The following CFAP47 variants were observed in gnomAD, a reference collection of about 807,000 sequenced individuals.
The protein encoded by CFAP47 is cilia- and flagella-associated protein 47.
In CFAP47, 29 loss-of-function variants were observed where a neutral mutation model predicts 148.1. That is an observed-to-expected ratio of 0.20 (90% CI 0.15 to 0.27). The LOEUF is 0.27. Ranked by LOEUF, CFAP47 falls within the 10% of genes least tolerant of loss-of-function variation. The pLI, the probability that CFAP47 is intolerant of heterozygous loss-of-function variation, is 1.00. For missense variants in CFAP47, 1,872 were observed against 1,697.5 expected (o/e 1.10, Z -1.81); for synonymous variants, 664 against 577.3 (o/e 1.15, Z -2.15).
At chrX:36,034,383 A>T (rs1223979359) in intron 23 of CFAP47, among the ~76,000 whole-genome samples, 1 of 110,720 alleles carries the variant, frequency 9.0e-6, no homozygotes, top group Non-Finnish European at 1.9e-5. Context: ...TCCACTGTGA[A>T]GTTACTATTT....
chrX:36,185,151 C>A (rs1304627419), intron 40 of CFAP47, among the ~76,000 whole-genome samples: 1 of 110,601 alleles, frequency 9.0e-6, no homozygotes, highest in Non-Finnish European at 1.9e-5. Context: ...GATAAAGGCA[C>A]TGGCAGGTTC....
At chrX:36,261,369 C>T (rs1475975234) in intron 49 of CFAP47, among the ~76,000 whole-genome samples, 4 of 65,318 alleles carry the variant, frequency 6.1e-5, no homozygotes, top group African/African-American at 7.6e-5. Flanking sequence ...GGGTGTTTCT[C>T]GGAGAGGGGG....
intron 1 of CFAP47, among the ~76,000 whole-genome samples, chrX:35,924,481 A>AGG (rs1432644856): frequency 1.5e-4 from 16 of 105,184 alleles, no homozygotes; most frequent in East Asian, 9.3e-4. Context: ...ATGTGTATAT[A>AGG]TGTGCACCTA....
intron 42 of CFAP47, among the ~76,000 whole-genome samples, chrX:36,198,239 T>A (rs1199370546): frequency 6.3e-5 from 7 of 111,426 alleles, no homozygotes; most frequent in African/African-American, 2.3e-4. Flanking sequence ...ATGTAAGATA[T>A]ACATTGGTTC....
At chrX:36,083,363 T>C (rs1375005853) in intron 29 of CFAP47, among the ~76,000 whole-genome samples, 1 of 110,583 alleles carries the variant, frequency 9.0e-6, no homozygotes, top group Non-Finnish European at 1.9e-5. Flanking sequence ...TATATGCACA[T>C]ATATATAGCA....
chrX:36,175,150 A>G (rs1306357592), intron 39 of CFAP47, among the ~76,000 whole-genome samples: 1 of 110,400 alleles, frequency 9.1e-6, no homozygotes, highest in Admixed American at 9.6e-5. Context: ...TTTCAGCTCC[A>G]TCAGCTCCTT....
chrX:35,934,985 G>A (rs971686115), intron 2 of CFAP47, among the ~76,000 whole-genome samples: 8 of 110,893 alleles, frequency 7.2e-5, no homozygotes, highest in African/African-American at 2.6e-4. Flanking sequence ...TCAAGTAGAA[G>A]GAAGGGGTCT....
chrX:36,358,006 C>T (rs1373587825), intron 60 of CFAP47, among the ~76,000 whole-genome samples: 1 of 111,665 alleles, frequency 9.0e-6, no homozygotes, highest in Non-Finnish European at 1.9e-5. Context: ...TTGTAAACTC[C>T]CATGTCAGGT....
At chrX:36,031,481 C>G (rs1318306537) in intron 23 of CFAP47, 134 bp downstream of exon 23, 3 of 251,700 alleles carry the variant, frequency 1.2e-5, no homozygotes, top group Middle Eastern at 1.1e-3. Context: ...TGTTTATGCT[C>G]TTCGGAGCAA....
chrX:36,300,448 C>T (rs1556007603), intron 52 of CFAP47, among the ~76,000 whole-genome samples: 1 of 110,671 alleles, frequency 9.0e-6, no homozygotes, highest in Non-Finnish European at 1.9e-5. Context: ...CGCCACTACA[C>T]CCAGCTAATT....
chrX:35,951,439 T>C, intron 5 of CFAP47, 80 bp downstream of exon 5: 1 of 653,017 alleles, frequency 1.5e-6, no homozygotes, highest in Non-Finnish European at 2.3e-6. Flanking sequence ...ACCAACAAGC[T>C]TTTTAATTAT....
intron 49 of CFAP47, among the ~76,000 whole-genome samples, chrX:36,273,237 G>GA (rs1556002156): frequency 9.0e-6 from 1 of 111,280 alleles, no homozygotes; most frequent in African/African-American, 3.3e-5. Flanking sequence ...TATATACTTG[G>GA]AAAAAACTTG....
At chrX:35,967,853 C>T in intron 10 of CFAP47, 21 bp downstream of exon 10, 3 of 1,131,357 alleles carry the variant, frequency 2.7e-6, no homozygotes, top group South Asian at 3.9e-5. Flanking sequence ...ATATTAAAAC[C>T]CTGAAATTTG....
intron 19 of CFAP47, among the ~76,000 whole-genome samples, chrX:35,999,272 G>A (rs1936885580): frequency 8.9e-6 from 1 of 111,816 alleles, no homozygotes; most frequent in African/African-American, 3.2e-5. Flanking sequence ...ACTTTCATAC[G>A]GAATTCTCCT....
intron 3 of CFAP47, among the ~76,000 whole-genome samples, chrX:35,944,280 AT>A (rs958726725): frequency 1.3e-4 from 14 of 110,053 alleles, no homozygotes; most frequent in Non-Finnish European, 2.1e-4. Flanking sequence ...CTTGTCTTCA[AT>A]TTTTTTTTGG....
intron 8 of CFAP47, among the ~76,000 whole-genome samples, chrX:35,957,642 G>A (rs765170369): frequency 1.8e-5 from 2 of 111,629 alleles, no homozygotes; most frequent in Admixed American, 9.5e-5. Flanking sequence ...TAAACCTACC[G>A]ACTCAATTAT....
chrX:36,118,215 G>A (rs1169018001), intron 33 of CFAP47, among the ~76,000 whole-genome samples: 1 of 111,340 alleles, frequency 9.0e-6, no homozygotes, highest in African/African-American at 3.3e-5. Context: ...TATAACTTTG[G>A]CTATTCTGGG....
chrX:36,047,382 G>A (rs745557185), intron 26 of CFAP47, among the ~76,000 whole-genome samples: 12 of 111,655 alleles, frequency 1.1e-4, no homozygotes, highest in Non-Finnish European at 2.1e-4. Context: ...GAAAAGTACA[G>A]TGAGTTAGTA....
chrX:36,195,000 A>G (rs782230545), intron 42 of CFAP47, among the ~76,000 whole-genome samples: 56 of 112,581 alleles, frequency 5.0e-4, no homozygotes, highest in Middle Eastern at 4.6e-3. Context: ...TGAACATATG[A>G]CACAGTCAAA....
Sources: allele counts gnomAD v4.1 joint callset (sites outside exome capture counted in the v4.1 genomes callset), GRCh38; gene constraint gnomAD v4.1.1; transcripts MANE v1.5; gene names NCBI Gene and HGNC (gene_info 2026-07-23, HGNC 2026-07-21).